WASF2: variants seen among roughly 807,000 people sequenced by gnomAD.
The protein encoded by WASF2 is actin-binding protein WASF2.
Under a neutral mutation model 45.0 loss-of-function variants are expected in WASF2, and 14 were observed. The ratio of observed to expected loss-of-function variants is 0.31; its 90% CI spans 0.21 to 0.49. The LOEUF is 0.49. Ranked by LOEUF, WASF2 falls within the 20% of genes least tolerant of loss-of-function variation. WASF2 has a pLI of 0.99. For missense variants in WASF2, 439 were observed against 636.1 expected, an observed-to-expected ratio of 0.69 and a Z score of 3.33; for synonymous variants, 200 against 236.3, an observed-to-expected ratio of 0.85 and a Z score of 1.41.
At chr1:27,465,957 G>C (rs983565154) in intron 1 of WASF2, among the ~76,000 whole-genome samples, 7 of 152,036 alleles carry the variant, frequency 4.6e-5, no homozygotes, top group African/African-American at 1.7e-4. Flanking sequence ...ACTTCCCACT[G>C]GTCCAATATG....
intron 2 of WASF2, among the ~76,000 whole-genome samples, chr1:27,421,070 T>G (rs2016902427): frequency 6.6e-6 from 1 of 152,188 alleles, no homozygotes; most frequent in African/African-American, 2.4e-5. Flanking sequence ...AACTGCATAT[T>G]TTGAATTGCT....
chr1:27,454,682 C>T (rs1373407977), intron 1 of WASF2, among the ~76,000 whole-genome samples: 1 of 152,130 alleles, frequency 6.6e-6, no homozygotes, highest in African/African-American at 2.4e-5. Flanking sequence ...CTATATTGCC[C>T]AGGTTGGTCT....
intron 1 of WASF2, among the ~76,000 whole-genome samples, chr1:27,470,348 A>T (rs931810185): frequency 4.6e-5 from 7 of 152,182 alleles, no homozygotes; most frequent in African/African-American, 1.7e-4. Flanking sequence ...AGTAGAAAAG[A>T]ATGGAGCTGG....
chr1:27,408,105 T>TC lies in WASF2; in HGVS notation c.*83dup, dbSNP rs1357614185. The TC allele has an allele frequency of 2.0e-6, 3 of 1,483,644 alleles. No individual in the cohort carries two copies. Among genetic ancestry groups the TC allele is most frequent in the Admixed American group, 4.4e-5 (2 of 45,332 alleles). 91.9% of individuals were successfully genotyped at this position (1,483,644 alleles called of 1,614,324 possible). The stretch of plus-strand genomic sequence containing the variant: ...AAAATTACTTTTTTCCTCCCTTTTC[T>TC]CCCCCTACGGGTCTGTTGGGGTTGG... On this transcript the variant is annotated 3_prime_UTR_variant, in exon 9 of 9. Coordinates refer to ENST00000618852, the MANE Select transcript of WASF2 (RefSeq NM_006990.5).
chr1:27,447,481 G>C (rs2017326195), intron 1 of WASF2, among the ~76,000 whole-genome samples: 1 of 152,188 alleles, frequency 6.6e-6, no homozygotes. Context: ...GAGGCTGGCT[G>C]TGATTAATTC....
chr1:27,478,428 C>CA (rs1345603791), intron 1 of WASF2, among the ~76,000 whole-genome samples: 3 of 151,922 alleles, frequency 2.0e-5, no homozygotes, highest in Non-Finnish European at 1.5e-5. Flanking sequence ...CAGAAAAAGT[C>CA]AGACACAAAA....
chr1:27,438,471 A>C (rs752970048), intron 1 of WASF2, among the ~76,000 whole-genome samples: 1 of 152,176 alleles, frequency 6.6e-6, no homozygotes, highest in African/African-American at 2.4e-5. Context: ...ATGATGCCTT[A>C]CTTCTTATTT....
intron 1 of WASF2, among the ~76,000 whole-genome samples, chr1:27,453,329 C>A (rs977810246): frequency 6.6e-6 from 1 of 151,956 alleles, no homozygotes. Flanking sequence ...TGGTGGCTCA[C>A]GCCTATAATC....
chr1:27,429,988 G>A (rs1402539808), intron 1 of WASF2, among the ~76,000 whole-genome samples: 2 of 151,982 alleles, frequency 1.3e-5, no homozygotes, highest in Admixed American at 6.6e-5. Flanking sequence ...AACACACCTG[G>A]GCCAAAAGGC....
At chr1:27,445,946 T>G (rs1048201188) in intron 1 of WASF2, among the ~76,000 whole-genome samples, 9 of 152,124 alleles carry the variant, frequency 5.9e-5, no homozygotes, top group African/African-American at 1.9e-4. Context: ...TAATATAATA[T>G]TCTTCTCTTT....
At chr1:27,462,616 T>G (rs2017561086) in intron 1 of WASF2, among the ~76,000 whole-genome samples, 1 of 152,046 alleles carries the variant, frequency 6.6e-6, no homozygotes, top group African/African-American at 2.4e-5. Flanking sequence ...CTACTAATGC[T>G]CTTTATGGAA....
intron 1 of WASF2, among the ~76,000 whole-genome samples, chr1:27,478,668 C>T (rs577054918): frequency 1.5e-4 from 23 of 152,124 alleles, no homozygotes; most frequent in African/African-American, 5.3e-4. Flanking sequence ...CTGCAAACTC[C>T]GCCTCCCAGG....
At chr1:27,422,244 G>C (rs190753625) in intron 2 of WASF2, among the ~76,000 whole-genome samples, 40 of 152,188 alleles carry the variant, frequency 2.6e-4, no homozygotes, top group Middle Eastern at 3.4e-3. Context: ...GTGGTGTGAA[G>C]GCTTCCCCAC....
At chr1:27,466,520 T>G (rs2017613107) in intron 1 of WASF2, among the ~76,000 whole-genome samples, 3 of 152,132 alleles carry the variant, frequency 2.0e-5, no homozygotes. Flanking sequence ...CCAGGGCCAC[T>G]CCAAACCGAT....
chr1:27,467,581 G>A (rs535679286), intron 1 of WASF2, among the ~76,000 whole-genome samples: 5 of 151,082 alleles, frequency 3.3e-5, no homozygotes, highest in East Asian at 4.0e-4. Context: ...GATTACAGGC[G>A]TGAGCCACCA....
In WASF2 at chr1:27,441,753, C is replaced by CAAA. The variant is rs35347075; in HGVS notation, c.-43-12823_-43-12821dup. Among the ~76,000 whole-genome samples, 201 of 51,550 alleles carry CAAA rather than the reference C, an allele frequency of 3.9e-3. 4 individuals carry two copies. The highest frequency in any genetic ancestry group is 0.015 in the African/African-American group (162 of 10,456). The allele number at this position is 51,550 out of a possible 152,430, so 33.8% of individuals were successfully genotyped here. ...TGGGTGACAGAGCGAGACTCCGTCTCAAAAAAAAAAAAAAAAAAAAAAATT... is the reference window on the plus strand; with the variant it reads ...TGGGTGACAGAGCGAGACTCCGTCTCAAAAAAAAAAAAAAAAAAAAAAAAAATT... On this transcript the variant is annotated intron_variant, in intron 1 of 8. Coordinates refer to ENST00000618852, the MANE Select transcript of WASF2 (RefSeq NM_006990.5).
chr1:27,416,349 G>C (rs766929512), intron 4 of WASF2, among the ~76,000 whole-genome samples: 4 of 152,106 alleles, frequency 2.6e-5, no homozygotes, highest in Non-Finnish European at 5.9e-5. Flanking sequence ...GCATTGTCAG[G>C]GCAAGTACAG....
chr1:27,463,326 A>G (rs572822734), intron 1 of WASF2, among the ~76,000 whole-genome samples: 1 of 152,256 alleles, frequency 6.6e-6, no homozygotes, highest in Admixed American at 6.5e-5. Flanking sequence ...CTGCAGTGGT[A>G]CTGCTATAAA....
chr1:27,428,953 A>G lies in WASF2; in HGVS notation c.-43-20T>C, dbSNP rs1391099504. ...AACAACCTAAAAAAGAAATAACAGG[A>G]AAGTATTACTCAACCACAAATTCCA... On this transcript the variant is annotated intron_variant, in intron 1 of 8. Coordinates refer to ENST00000618852, the MANE Select transcript of WASF2 (RefSeq NM_006990.5). The G allele has an allele frequency of 1.3e-5, 21 of 1,602,860 alleles. No individual in the cohort carries two copies. The highest frequency in any genetic ancestry group is 1.6e-5 in the Non-Finnish European group (19 of 1,173,746).
Sources: allele counts gnomAD v4.1 joint callset (sites outside exome capture counted in the v4.1 genomes callset), GRCh38; gene constraint gnomAD v4.1.1; transcripts MANE v1.5; gene names NCBI Gene and HGNC (gene_info 2026-07-23, HGNC 2026-07-21).